The following RPIA variants were observed in gnomAD, a reference collection of about 807,000 sequenced individuals.
RPIA encodes ribose 5-phosphate isomerase A.
In RPIA, 29 loss-of-function variants were observed where a neutral mutation model predicts 37.8. That is an observed-to-expected ratio of 0.77 (90% confidence interval 0.57 to 1.05). The LOEUF (loss-of-function observed/expected upper bound fraction) is 1.05. Among genes scored for constraint, RPIA ranks in the 50% least tolerant of loss-of-function variants. RPIA has a pLI of 0.00. For synonymous variants in RPIA, 167 were observed against 157.0 expected (o/e 1.06, Z -0.48); for missense variants, 385 against 413.6 (o/e 0.93, Z 0.60).
chr2:88,739,397 A>T (rs1673356292), intron 8 of RPIA, among the ~76,000 whole-genome samples: 1 of 152,188 alleles, frequency 6.6e-6, no homozygotes, highest in African/African-American at 2.4e-5. Context: ...AGTTAATTCT[A>T]GTGCCTACCT....
At chr2:88,736,094 G>A (rs377377074) in intron 6 of RPIA, among the ~76,000 whole-genome samples, 13 of 152,256 alleles carry the variant, frequency 8.5e-5, no homozygotes, top group South Asian at 2.1e-4. Flanking sequence ...CCCTGCCCAC[G>A]GGCAGTGACT....
chr2:88,735,608 C>G, intron 5 of RPIA, 61 bp from the exon 6 acceptor site: 2 of 1,467,502 alleles, frequency 1.4e-6, no homozygotes, highest in Non-Finnish European at 1.9e-6. Flanking sequence ...CTGTATTTAA[C>G]CTTAGTTCCC....
chr2:88,711,235 ACACT>A (rs1242921344), intron 3 of RPIA, among the ~76,000 whole-genome samples: 3 of 152,226 alleles, frequency 2.0e-5, no homozygotes, highest in Non-Finnish European at 4.4e-5. Context: ...GAAAAGAAAA[ACACT>A]CAGCTAGTCA....
chr2:88,712,518 A>C (rs1463588085), intron 3 of RPIA, among the ~76,000 whole-genome samples: 3 of 152,250 alleles, frequency 2.0e-5, no homozygotes, highest in Non-Finnish European at 4.4e-5. Flanking sequence ...TTGCTCTCAC[A>C]GTTCACCCTC....
At chr2:88,698,440 A>G in intron 1 of RPIA, 44 bp from the exon 2 acceptor site, 1 of 1,540,886 alleles carries the variant, frequency 6.5e-7, no homozygotes, top group Non-Finnish European at 9.0e-7. Context: ...GGAGTAAAAT[A>G]TGATATTAAT....
intron 3 of RPIA, among the ~76,000 whole-genome samples, chr2:88,727,165 C>T (rs542257041): frequency 6.6e-6 from 1 of 152,238 alleles, no homozygotes; most frequent in Non-Finnish European, 1.5e-5. Context: ...TGCAGCCTTA[C>T]CCCTGCCCTC....
chr2:88,698,594 G>A lies in RPIA; in HGVS notation c.346+50G>A, dbSNP rs373744493. 423 of 1,539,648 alleles carry A rather than the reference G, an allele frequency of 2.7e-4. 3 individuals are homozygous for A. In the Admixed American group the frequency reaches 2.8e-3, roughly 10 times the overall value. ...ATGTTTTGTGTGTGATGATGGGGTAGGGAGGTAGAGGAGAGGGAGGAAGTG... is the reference window on the plus strand; with the variant it reads ...ATGTTTTGTGTGTGATGATGGGGTAAGGAGGTAGAGGAGAGGGAGGAAGTG... On this transcript the variant is annotated intron_variant, in intron 2 of 8. Transcript: ENST00000283646.
At chr2:88,734,125 T>G (rs1673285789) in intron 4 of RPIA, among the ~76,000 whole-genome samples, 1 of 151,918 alleles carries the variant, frequency 6.6e-6, no homozygotes, top group Admixed American at 6.6e-5. Flanking sequence ...CCCAGTGGAA[T>G]TTAGTAGCAC....
chr2:88,729,072 C>T lies in RPIA; in HGVS notation c.403-206C>T, dbSNP rs112130543. 3.7e-3 allele frequency among the ~76,000 whole-genome samples: 566 copies of T among 152,340 alleles called. 2 individuals are homozygous for T. Among genetic ancestry groups the T allele is most frequent in the African/African-American group, 0.012 (499 of 41,574 alleles). ...GCATTGGAACAGGGTCTTTGCTGTGCTGTTTGCCTTTTCCCAGCTCCCAGG... is the reference window on the plus strand; with the variant it reads ...GCATTGGAACAGGGTCTTTGCTGTGTTGTTTGCCTTTTCCCAGCTCCCAGG... On this transcript the variant is annotated intron_variant, in intron 3 of 8. Coordinates refer to ENST00000283646, the MANE Select transcript of RPIA (RefSeq NM_144563.3).
intron 4 of RPIA, among the ~76,000 whole-genome samples, chr2:88,732,952 T>C (rs963006648): frequency 3.3e-5 from 5 of 152,178 alleles, no homozygotes; most frequent in African/African-American, 1.2e-4. Context: ...TTCTTGAAGA[T>C]AGGATACCAC....
chr2:88,693,875 C>T (rs1298326327), intron 1 of RPIA, among the ~76,000 whole-genome samples: 1 of 152,206 alleles, frequency 6.6e-6, no homozygotes, highest in African/African-American at 2.4e-5. Flanking sequence ...CCAGCTCTGT[C>T]TGTTTCTGTG....
chr2:88,742,425 A>G lies in RPIA; in HGVS notation c.838+4349A>G, dbSNP rs369929986. ...TGGTCTATATGCCTGTTTTTATACC[A>G]GTACCATGCTGTTTGGTGACCATGA... On this transcript the variant is annotated intron_variant, in intron 8 of 8. Coordinates refer to ENST00000283646, the MANE Select transcript of RPIA (RefSeq NM_144563.3). 3.0e-4 allele frequency among the ~76,000 whole-genome samples: 45 copies of G among 152,294 alleles called. No individual in the cohort carries two copies. The South Asian group carries it at 6.8e-3, about 23-fold the overall frequency.
intron 3 of RPIA, among the ~76,000 whole-genome samples, chr2:88,725,931 A>AC (rs1374845291): frequency 2.6e-5 from 4 of 152,210 alleles, no homozygotes; most frequent in Admixed American, 6.5e-5. Flanking sequence ...AAGTCATTGT[A>AC]CAGGGGCCCA....
intron 3 of RPIA, 31 bp from the exon 4 acceptor site, chr2:88,729,247 G>A (rs1205456378): frequency 6.2e-7 from 1 of 1,610,568 alleles, no homozygotes; most frequent in South Asian, 1.1e-5. Flanking sequence ...TCAAGTAAAT[G>A]ATCGTGGTTG....
chr2:88,715,621 T>A (rs546133492), intron 3 of RPIA, among the ~76,000 whole-genome samples: 4 of 152,326 alleles, frequency 2.6e-5, no homozygotes, highest in African/African-American at 9.6e-5. Flanking sequence ...TTGTTAACCC[T>A]GTGAGGTTGG....
chr2:88,716,451 T>G (rs140018323), intron 3 of RPIA, among the ~76,000 whole-genome samples: 134 of 152,332 alleles, frequency 8.8e-4, no homozygotes, highest in African/African-American at 3.1e-3. Context: ...GTGACCTGTC[T>G]CAGATACAGG....
intron 8 of RPIA, among the ~76,000 whole-genome samples, chr2:88,742,168 A>C (rs1471652777): frequency 6.6e-6 from 1 of 152,168 alleles, no homozygotes; most frequent in Non-Finnish European, 1.5e-5. Flanking sequence ...GTTGTCCTCT[A>C]GAGTTTTTAT....
intron 2 of RPIA, among the ~76,000 whole-genome samples, chr2:88,698,801 C>T (rs1381200547): frequency 6.6e-6 from 1 of 152,188 alleles, no homozygotes; most frequent in South Asian, 2.1e-4. Context: ...GAGGAGCTGA[C>T]TTAGCTTGAG....
At chr2:88,727,586 G>A (rs1037095681) in intron 3 of RPIA, among the ~76,000 whole-genome samples, 1 of 152,136 alleles carries the variant, frequency 6.6e-6, no homozygotes, top group Non-Finnish European at 1.5e-5. Context: ...GCCCCAGTGT[G>A]TATTGTTGCC....
Sources: allele counts gnomAD v4.1 joint callset (sites outside exome capture counted in the v4.1 genomes callset), GRCh38; gene constraint gnomAD v4.1.1; transcripts MANE v1.5; gene names NCBI Gene and HGNC (gene_info 2026-07-23, HGNC 2026-07-21).